The following CMBL variants were observed in gnomAD, a reference collection of about 807,000 sequenced individuals.
CMBL encodes carboxymethylenebutenolidase homolog (Pseudomonas).
A neutral mutation model predicts 28.7 loss-of-function variants in CMBL; 17 were observed. The observed-to-expected ratio is 0.59, with a 90% CI of 0.41 to 0.89. The LOEUF (loss-of-function observed/expected upper bound fraction) is 0.89. CMBL is among the 40% of genes least tolerant of loss of function. The pLI, the probability that CMBL is intolerant of heterozygous loss-of-function variation, is 0.00. For synonymous variants in CMBL, 106 were observed against 101.6 expected (o/e 1.04, Z -0.26); for missense variants, 310 against 298.5 (o/e 1.04, Z -0.28).
chr5:10,302,699 G>C (rs1426719146), intron 1 of CMBL, among the ~76,000 whole-genome samples: 1 of 152,024 alleles, frequency 6.6e-6, no homozygotes, highest in East Asian at 1.9e-4. Context: ...CATTCAAACA[G>C]AGGTCTCAAG....
intron 1 of CMBL, among the ~76,000 whole-genome samples, chr5:10,291,523 T>A (rs1157308684): frequency 6.6e-6 from 1 of 151,144 alleles, no homozygotes; most frequent in African/African-American, 2.4e-5. Flanking sequence ...TAGCCGGGCG[T>A]GGTGGTGGGC....
At chr5:10,305,227 T>G (rs190339174) in intron 1 of CMBL, among the ~76,000 whole-genome samples, 1 of 150,688 alleles carries the variant, frequency 6.6e-6, no homozygotes, top group Non-Finnish European at 1.5e-5. Flanking sequence ...CTGGTGGCCA[T>G]GTTCGTCGGC....
Position 10,289,839 on chromosome 5 carries a change from C to T in CMBL, c.215+709G>A, listed in dbSNP as rs1441261837. On this transcript the variant is annotated intron_variant, in intron 2 of 5. Transcript: ENST00000296658. This position sits in a 1 kb window ranked among gnomAD's most constrained non-coding sequence, Gnocchi z 4.3. ...TAGAAAAACAAGGTAGGCTCATCCT[C>T]GGGTTTCCAGCTTCTCCTTCTGTGA... Among the ~76,000 whole-genome samples, 1 of 152,200 alleles carries T rather than the reference C, an allele frequency of 6.6e-6. No individual in the cohort carries two copies. The highest frequency in any genetic ancestry group is 1.5e-5 in the Non-Finnish European group (1 of 68,044).
intron 5 of CMBL, among the ~76,000 whole-genome samples, chr5:10,281,840 C>T (rs557151130): frequency 1.3e-4 from 20 of 152,206 alleles, no homozygotes; most frequent in African/African-American, 4.1e-4. Context: ...TCCCACTCCC[C>T]GCAGAATGTC....
rs200019273 is a variant in CMBL at position 10,280,522 on chromosome 5, T to A, written c.669A>T (p.Ser223=). The A allele has an allele frequency of 6.2e-7, 1 of 1,613,982 alleles. No individual in the cohort carries two copies. The highest frequency in any genetic ancestry group is 1.7e-5 in the Admixed American group (1 of 60,028). ...CGTCAATGTAGGGCTTGTCTGCAGG[T>A]GAGCAATCTTCTCTCTTCCGATGCA... The part of the protein sequence containing the change: ...GFVHRKREDC[S]PADKPYIDEA... Residue 223 remains serine (S), a synonymous_variant, in exon 6 of 6, where the codon TCA becomes TCT. Coordinates refer to ENST00000296658, the MANE Select transcript of CMBL (RefSeq NM_138809.4).
chr5:10,282,954 G>T (rs867548394), intron 4 of CMBL, among the ~76,000 whole-genome samples: 2 of 152,164 alleles, frequency 1.3e-5, no homozygotes, highest in South Asian at 2.1e-4. Flanking sequence ...GCTAGGTGTG[G>T]TGGCACGCGC....
chr5:10,286,424 GC>G lies in CMBL; in HGVS notation c.395del (p.Cys132SerfsTer10). 6.2e-7 allele frequency: 1 copy of G among 1,613,976 alleles called. No individual in the cohort carries two copies. The highest frequency in any genetic ancestry group is 1.1e-5 in the South Asian group (1 of 91,064). ...HAQKIGIVGF[C>X]WGGTAVHHLM... ...AATGATGGACAGCAGTTCCACCCCA[GC>G]AGAATCCCACGATGCCAATTTTCTG... On this transcript the variant is annotated frameshift_variant, in exon 4 of 6. Transcript: ENST00000296658. LOFTEE classifies it high-confidence loss of function.
rs1746462613 is a variant in CMBL, at chr5:10,279,591, G to A, written c.*862C>T. The A allele has an allele frequency of 6.6e-6, 1 of 151,848 alleles. No homozygotes were observed. Among genetic ancestry groups the A allele is most frequent in the Non-Finnish European group, 1.5e-5 (1 of 68,008 alleles). The allele number at this position is 151,848 out of a possible 1,614,324, so 9.4% of individuals were successfully genotyped here. ...GAGTCTCCCTCTGTTGTCCAGGCTGGAGTGCAGTAGCGCAACCTCGACTCA... is the reference window on the plus strand; with the variant it reads ...GAGTCTCCCTCTGTTGTCCAGGCTGAAGTGCAGTAGCGCAACCTCGACTCA... On this transcript the variant is annotated 3_prime_UTR_variant, in exon 6 of 6. Transcript: ENST00000296658.
chr5:10,292,047 C>T (rs1746728786), intron 1 of CMBL: 1 of 152,148 alleles, frequency 6.6e-6, no homozygotes, highest in Admixed American at 6.5e-5. Context: ...CATTAAAAAG[C>T]AGGAAATGAG....
chr5:10,280,617 G>T lies in CMBL; in HGVS notation c.574C>A (p.Gln192Lys), dbSNP rs114442248. 1 of 1,604,850 alleles carries T rather than the reference G, an allele frequency of 6.2e-7. No individual in the cohort carries two copies. The change falls in exon 6 of 6, where the codon CAG becomes AAG. Residue 192 changes from glutamine to lysine, a missense_variant. Gln to Lys is a moderately conservative substitution (Grantham distance 53, BLOSUM62 1). Coordinates refer to ENST00000296658, the MANE Select transcript of CMBL (RefSeq NM_138809.4). ...IPLKDVSLLT[Q>K]KLKEHCKVEY... is the part of the protein sequence containing the mutation. ...ACTTTGCAGTGTTCTTTCAACTTCT[G>T]AGTCAGCAAAGATACCTGGTGTGCA...
intron 1 of CMBL, among the ~76,000 whole-genome samples, chr5:10,306,093 T>G (rs1040746035): frequency 6.6e-6 from 1 of 152,230 alleles, no homozygotes; most frequent in East Asian, 1.9e-4. Flanking sequence ...AATTATCTTT[T>G]AACAATGTAA....
At chr5:10,291,304 C>T (rs996587949) in intron 1 of CMBL, among the ~76,000 whole-genome samples, 1 of 152,160 alleles carries the variant, frequency 6.6e-6, no homozygotes, top group African/African-American at 2.4e-5. Flanking sequence ...GAGCTCCATC[C>T]GCCAGGCTCA....
In CMBL at chr5:10,286,440, C is replaced by T. The variant is rs756034402; in HGVS notation, c.380G>A (p.Gly127Asp). The T allele has an allele frequency of 1.9e-6, 3 of 1,614,052 alleles. No homozygotes were observed. Among genetic ancestry groups the T allele is most frequent in the East Asian group, 2.2e-5 (1 of 44,886 alleles). ...TCCACCCCAGCAGAATCCCACGATG[C>T]CAATTTTCTGGGCATGACACTGTTG... ...LKQQCHAQKI[G>D]IVGFCWGGTA... The change falls in exon 4 of 6, where the codon GGC becomes GAC. Residue 127 changes from glycine to aspartate, a missense_variant. Gly to Asp is a moderately conservative substitution (Grantham distance 94). Transcript: ENST00000296658.
At position 10,278,685 on chromosome 5, in the gene CMBL, T is replaced by C. The variant is rs1204521944; in HGVS notation, c.*1768A>G. Among the ~76,000 whole-genome samples, 6 of 152,142 alleles carry C rather than the reference T, an allele frequency of 3.9e-5. No individual in the cohort carries two copies. Among genetic ancestry groups the C allele is most frequent in the Non-Finnish European group, 8.8e-5 (6 of 68,032 alleles). ...TTCTCTGGATCTGTAAGCAATAAAC[T>C]GCTTCTGTCATTTCTTGGGTTCTGA... On this transcript the variant is annotated 3_prime_UTR_variant, in exon 6 of 6. Transcript: ENST00000296658.
chr5:10,302,145 T>C (rs1208447212), intron 1 of CMBL, among the ~76,000 whole-genome samples: 1 of 152,188 alleles, frequency 6.6e-6, no homozygotes, highest in Non-Finnish European at 1.5e-5. Flanking sequence ...GCGAACAGTT[T>C]CTACCCTGGC....
chr5:10,292,164 G>A (rs1184658647), intron 1 of CMBL: 1 of 152,174 alleles, frequency 6.6e-6, no homozygotes, highest in Non-Finnish European at 1.5e-5. Context: ...TTAAATAAAT[G>A]GAAACAGATT....
In CMBL at chr5:10,290,000, C is replaced by T. The variant is rs1215567647; in HGVS notation, c.215+548G>A. ...AAATAAGAAGCAATCGGGTATCAGC[C>T]TTGGCCAAAGGTGGCCATGGCCACT... On this transcript the variant is annotated intron_variant, in intron 2 of 5. Transcript: ENST00000296658. This position sits in a 1 kb window ranked among gnomAD's most constrained non-coding sequence, Gnocchi z 4.3. Among the ~76,000 whole-genome samples, 4 of 152,230 alleles carry T rather than the reference C, an allele frequency of 2.6e-5. No homozygotes were observed. The highest frequency in any genetic ancestry group is 9.6e-5 in the African/African-American group (4 of 41,456).
chr5:10,304,716 G>C (rs752216426), intron 1 of CMBL, among the ~76,000 whole-genome samples: 1 of 152,182 alleles, frequency 6.6e-6, no homozygotes, highest in Admixed American at 6.5e-5. Flanking sequence ...ACTTTGGGAA[G>C]CTGAGGCAAG....
chr5:10,285,670 G>A (rs1746585391), intron 4 of CMBL, among the ~76,000 whole-genome samples: 1 of 83,366 alleles, frequency 1.2e-5, no homozygotes, highest in Admixed American at 1.0e-4. Flanking sequence ...GGAAAAATCA[G>A]TCTTTCTTTC....
Sources: allele counts gnomAD v4.1 joint callset (sites outside exome capture counted in the v4.1 genomes callset), GRCh38; gene constraint gnomAD v4.1.1; non-coding constraint Gnocchi (gnomAD v3.1); transcripts MANE v1.5; gene names NCBI Gene and HGNC (gene_info 2026-07-23, HGNC 2026-07-21).